KIAA0408: variants seen among roughly 807,000 people sequenced by gnomAD.
KIAA0408 encodes uncharacterized protein KIAA0408.
In KIAA0408, 51 loss-of-function variants were observed where a neutral mutation model predicts 60.9. The observed-to-expected ratio is 0.84, with a 90% confidence interval of 0.67 to 1.06. The LOEUF (loss-of-function observed/expected upper bound fraction) is 1.06. Among genes scored for constraint, KIAA0408 ranks in the 50% least tolerant of loss-of-function variants. The pLI is 0.00. For synonymous variants in KIAA0408, 304 were observed against 282.4 expected (o/e 1.08, Z -0.77); for missense variants, 787 against 833.9 (o/e 0.94, Z 0.69).
chr6:127,450,363 A>G lies in KIAA0408; in HGVS notation c.136-11T>C, dbSNP rs767169572. 2 of 1,565,930 alleles carry G rather than the reference A, an allele frequency of 1.3e-6. No individual in the cohort carries two copies. Among genetic ancestry groups the G allele is most frequent in the Admixed American group, 4.0e-5 (2 of 49,660 alleles). On this transcript the variant is annotated splice_polypyrimidine_tract_variant and intron_variant, in intron 2 of 5. Coordinates refer to ENST00000483725, the MANE Select transcript of KIAA0408 (RefSeq NM_014702.5). ...TACTTCCCGGCAAAGCTGTAAGAAA[A>G]ACAAAACAAAATTAAAACTTCTTTT... is the stretch of plus-strand genomic sequence containing the variant.
At position 127,441,459 on chromosome 6, in the gene KIAA0408, A is replaced by C. The variant is rs1266155002; in HGVS notation, c.*2650T>G. 6.6e-6 allele frequency: 1 copy of C among 152,436 alleles called. No individual in the cohort carries two copies. Among genetic ancestry groups the C allele is most frequent in the Non-Finnish European group, 1.5e-5 (1 of 67,966 alleles). The allele number at this position is 152,436 out of a possible 1,614,324, so 9.4% of individuals were successfully genotyped here. The stretch of plus-strand genomic sequence containing the variant: ...AAACTCAAGTACTCCTCTCTGCCTC[A>C]TCCTTATTCCTTTCTGAGATCAGCC... On this transcript the variant is annotated 3_prime_UTR_variant, in exon 6 of 6. Transcript: ENST00000483725.
chr6:127,449,937 G>C, intron 3 of KIAA0408, 36 bp from the exon 4 acceptor site: 1 of 1,613,820 alleles, frequency 6.2e-7, no homozygotes. Context: ...TTAGCACTTT[G>C]AAATGTAAAT....
chr6:127,440,527 T>C lies in KIAA0408; in HGVS notation c.*3582A>G, dbSNP rs1773089011. 6.6e-6 allele frequency: 1 copy of C among 152,202 alleles called. No individual in the cohort carries two copies. The highest frequency in any genetic ancestry group is 1.5e-5 in the Non-Finnish European group (1 of 68,030). The allele number at this position is 152,202 out of a possible 1,614,324, so 9.4% of individuals were successfully genotyped here. A position where few individuals can be genotyped will look rare whatever the true frequency, so the allele number is the denominator to read the frequency against. The stretch of plus-strand genomic sequence containing the variant: ...TTTTAGCAGAGAGGGGGTTTCACCG[T>C]GATGAAACCAGGATGGTCTCCATCT... On this transcript the variant is annotated 3_prime_UTR_variant, in exon 6 of 6. Transcript: ENST00000483725.
chr6:127,454,156 A>G, intron 1 of KIAA0408, 55 bp from the exon 2 acceptor site: 1 of 1,270,952 alleles, frequency 7.9e-7, no homozygotes, highest in East Asian at 3.0e-5. Flanking sequence ...CTGGAAATAT[A>G]TTTTATCATT....
intron 4 of KIAA0408, among the ~76,000 whole-genome samples, chr6:127,448,038 G>A (rs1773235448): frequency 6.6e-6 from 1 of 152,028 alleles, no homozygotes; most frequent in African/African-American, 2.4e-5. Context: ...AAACTATGTA[G>A]TCTCCTGGGT....
rs1239175421 is a variant in KIAA0408, at chr6:127,442,112, T to C, written c.*1997A>G. ...TATTTTGCTTTGTTTTGTTTTGTTT[T>C]ATTAATGGTTCTGGAGTCCCAGTCC... On this transcript the variant is annotated 3_prime_UTR_variant, in exon 6 of 6. Transcript: ENST00000483725. 6.6e-6 allele frequency: 1 copy of C among 152,234 alleles called. No homozygotes were observed. 9.4% of individuals were successfully genotyped at this position (152,234 alleles called of 1,614,324 possible). A position where few individuals can be genotyped will look rare whatever the true frequency, so the allele number is the denominator to read the frequency against.
Position 127,447,429 on chromosome 6 carries a change from C to T in KIAA0408, c.890G>A (p.Ser297Asn), listed in dbSNP as rs770834896. Residue 297 changes from serine (S) to asparagine (N), a missense_variant, in exon 5 of 6, where the codon AGC (serine) becomes AAC (asparagine). By Grantham distance (46) the Ser-to-Asn change is conservative (BLOSUM62 1). Around this residue, in one of 3 missense-constraint regions of KIAA0408, gnomAD observed 640 missense variants for 681.3 expected, o/e 0.94. Coordinates refer to ENST00000483725, the MANE Select transcript of KIAA0408 (RefSeq NM_014702.5). Reference protein sequence around the residue: ...ERWKERLDHNSWVPHEGRSKR... With the variant: ...ERWKERLDHNNWVPHEGRSKR... The stretch of plus-strand genomic sequence containing the variant: ...ACTTCGACCCTCATGGGGCACCCAG[C>T]TGTTGTGGTCTAACCTTTCCTTCCA... 6.2e-7 allele frequency: 1 copy of T among 1,613,888 alleles called. No individual in the cohort carries two copies. The highest frequency in any genetic ancestry group is 1.7e-5 in the Admixed American group (1 of 59,976).
chr6:127,453,584 A>T (rs957909536), intron 2 of KIAA0408, among the ~76,000 whole-genome samples: 15 of 152,082 alleles, frequency 9.9e-5, no homozygotes, highest in Admixed American at 8.5e-4. Flanking sequence ...CTTTTGATAA[A>T]AAAGCTCTCT....
chr6:127,446,675 A>G lies in KIAA0408; in HGVS notation c.1644T>C (p.Ser548=). The G allele has an allele frequency of 6.2e-7, 1 of 1,614,042 alleles. No homozygotes were observed. The highest frequency in any genetic ancestry group is 8.5e-7 in the Non-Finnish European group (1 of 1,180,002). Residue 548 remains serine, a synonymous_variant, in exon 5 of 6, where the codon TCT becomes TCC. Coordinates refer to ENST00000483725, the MANE Select transcript of KIAA0408 (RefSeq NM_014702.5). ...TGGGATCAGCTGACCTCGGACGGCC[A>G]GACAAATTACTCGGTCTCCAGTCAT... The part of the protein sequence containing the change: ...HEHDWRPSNL[S]GRPRSADPRS...
chr6:127,449,545 G>T (rs1773263001), intron 4 of KIAA0408, among the ~76,000 whole-genome samples: 2 of 152,186 alleles, frequency 1.3e-5, no homozygotes, highest in South Asian at 4.1e-4. Context: ...CCAGCTACTT[G>T]GGAGACTGAG....
chr6:127,446,864 T>A lies in KIAA0408; in HGVS notation c.1455A>T (p.Ile485=). ...TACCGGACACATCGTTACTTTGTGATATGCTACCTGTGTGAGTAGATGAGG... is the reference window on the plus strand; with the variant it reads ...TACCGGACACATCGTTACTTTGTGAAATGCTACCTGTGTGAGTAGATGAGG... ...CDTSSTHTGS[I]SQSNDVSGIW... Residue 485 remains isoleucine, a synonymous_variant, in exon 5 of 6, where the codon ATA becomes ATT. Transcript: ENST00000483725. The A allele has an allele frequency of 1.2e-6, 2 of 1,614,016 alleles. No homozygotes were observed. Among genetic ancestry groups the A allele is most frequent in the Non-Finnish European group, 1.7e-6 (2 of 1,179,938 alleles).
At chr6:127,455,459 G>C (rs1350523497) in intron 1 of KIAA0408, among the ~76,000 whole-genome samples, 1 of 152,140 alleles carries the variant, frequency 6.6e-6, no homozygotes, top group Non-Finnish European at 1.5e-5. Flanking sequence ...TTGTCAGACT[G>C]TTGTGAACAT....
chr6:127,448,363 T>C (rs1305467252), intron 4 of KIAA0408, among the ~76,000 whole-genome samples: 3 of 152,102 alleles, frequency 2.0e-5, no homozygotes, highest in Admixed American at 6.6e-5. Context: ...ATGAGTACTT[T>C]GATATGGATT....
rs748297984 is a variant in KIAA0408, at chr6:127,444,265, G to A, written c.1929C>T (p.Asn643=). The A allele has an allele frequency of 2.3e-5, 37 of 1,594,586 alleles. No individual in the cohort carries two copies. In the Middle Eastern group the frequency reaches 5.1e-4, roughly 22 times the overall value. ...GGGAAAATCCTTTTCCATGTGAGGCGTTCACTGACATGGATTCCTAGGACA... is the reference window on the plus strand; with the variant it reads ...GGGAAAATCCTTTTCCATGTGAGGCATTCACTGACATGGATTCCTAGGACA... ...KKITEESMSV[N]ASHGKGFSRP... Residue 643 remains asparagine, a synonymous_variant, in exon 6 of 6, where the codon AAC becomes AAT. Coordinates refer to ENST00000483725, the MANE Select transcript of KIAA0408 (RefSeq NM_014702.5).
chr6:127,449,567 G>T lies in KIAA0408; in HGVS notation c.578+255C>A, dbSNP rs558744180. On this transcript the variant is annotated intron_variant, in intron 4 of 5. Transcript: ENST00000483725. ...CTTGGGAGACTGAGGTAGGAGAATC[G>T]CTTGAACCTGGGAGGCAGAGGCTGC... Among the ~76,000 whole-genome samples, 5 of 152,214 alleles carry T rather than the reference G, an allele frequency of 3.3e-5. 1 individual carries two copies. In the South Asian group the frequency reaches 8.3e-4, roughly 25 times the overall value.
At chr6:127,450,595 C>T (rs960207780) in intron 2 of KIAA0408, 3 of 392,750 alleles carry the variant, frequency 7.6e-6, no homozygotes, top group Non-Finnish European at 1.3e-5. Context: ...GACTAGCAAT[C>T]AATCATTCAA....
At position 127,444,001 on chromosome 6, in the gene KIAA0408, A is replaced by T; in HGVS notation, c.*108T>A. ...CACTGAAGACTGATGGAAAGTTAAG[A>T]TTCAAATTGCTTGTCGGAAGAGAAC... On this transcript the variant is annotated 3_prime_UTR_variant, in exon 6 of 6. Coordinates refer to ENST00000483725, the MANE Select transcript of KIAA0408 (RefSeq NM_014702.5). 1.1e-6 allele frequency: 1 copy of T among 941,172 alleles called. No homozygotes were observed. The allele number at this position is 941,172 out of a possible 1,614,324, so 58.3% of individuals were successfully genotyped here. A position where few individuals can be genotyped will look rare whatever the true frequency, so the allele number is the denominator to read the frequency against.
Position 127,441,650 on chromosome 6 carries a change from A to T in KIAA0408, c.*2459T>A, listed in dbSNP as rs1773109522. The stretch of plus-strand genomic sequence containing the variant: ...GCATAATAAAGGGCATATTCTAGGG[A>T]AGAAAATGCCCACCTAAAGTAGAAA... On this transcript the variant is annotated 3_prime_UTR_variant, in exon 6 of 6. Coordinates refer to ENST00000483725, the MANE Select transcript of KIAA0408 (RefSeq NM_014702.5). 6.6e-6 allele frequency: 1 copy of T among 152,214 alleles called. No individual in the cohort carries two copies. Among genetic ancestry groups the T allele is most frequent in the Non-Finnish European group, 1.5e-5 (1 of 68,036 alleles). The allele number at this position is 152,214 out of a possible 1,614,324, so 9.4% of individuals were successfully genotyped here. A position where few individuals can be genotyped will look rare whatever the true frequency, so the allele number is the denominator to read the frequency against.
chr6:127,444,701 A>G (rs1773159710), intron 5 of KIAA0408, among the ~76,000 whole-genome samples: 1 of 152,138 alleles, frequency 6.6e-6, no homozygotes, highest in African/African-American at 2.4e-5. Context: ...AAATTCATTG[A>G]CACTTTTAGA....
Sources: gnomAD v4.1 joint callset for allele counts (sites outside exome capture counted in the v4.1 genomes callset) on GRCh38, gnomAD v4.1.1 for gene constraint, gnomAD v4.1.1 regional missense constraint, MANE v1.5 for transcripts, NCBI Gene and HGNC (gene_info 2026-07-23, HGNC 2026-07-21) for gene names.